The following OSBPL6 variants were observed in gnomAD, a reference collection of about 807,000 sequenced individuals.
OSBPL6 encodes the protein oxysterol binding protein like 6.
OSBPL6 carries 49 observed loss-of-function variants against 125.8 expected under a neutral mutation model. The observed-to-expected ratio is 0.39, with a 90% CI of 0.31 to 0.49. The LOEUF (loss-of-function observed/expected upper bound fraction) is 0.49, where lower values mean the gene tolerates loss of function less well. Ranked by LOEUF, OSBPL6 falls within the 20% of genes least tolerant of loss-of-function variation. OSBPL6 has a pLI of 0.88. For missense variants in OSBPL6, 986 were observed against 1,135.4 expected (o/e 0.87, Z 1.89); for synonymous variants, 394 against 391.8 (o/e 1.01, Z -0.07).
chr2:178,318,231 T>C (rs1359065227), intron 3 of OSBPL6, among the ~76,000 whole-genome samples: 1 of 152,220 alleles, frequency 6.6e-6, no homozygotes, highest in Non-Finnish European at 1.5e-5. Context: ...ATACAGGGTG[T>C]CTTAAAACAG....
At chr2:178,228,929 T>A (rs1000564215) in intron 1 of OSBPL6, among the ~76,000 whole-genome samples, 4 of 152,242 alleles carry the variant, frequency 2.6e-5, no homozygotes, top group African/African-American at 9.6e-5. Flanking sequence ...CATTTTCTGT[T>A]GCTATAAAAG....
intron 1 of OSBPL6, among the ~76,000 whole-genome samples, 157 bp from the exon 2 acceptor site, chr2:178,284,770 A>G (rs1684546573): frequency 6.6e-6 from 1 of 152,238 alleles, no homozygotes; most frequent in African/African-American, 2.4e-5. Flanking sequence ...ATAAAACTGA[A>G]CAAAGGAGAT....
chr2:178,306,702 G>A (rs1442263432), intron 3 of OSBPL6, among the ~76,000 whole-genome samples: 3 of 152,262 alleles, frequency 2.0e-5, no homozygotes, highest in Admixed American at 2.0e-4. Flanking sequence ...TGTGGAATCT[G>A]GTAACAGCTA....
chr2:178,233,793 G>T (rs969193576), intron 1 of OSBPL6, among the ~76,000 whole-genome samples: 1 of 152,146 alleles, frequency 6.6e-6, no homozygotes, highest in Non-Finnish European at 1.5e-5. Flanking sequence ...ATGCGTTGTT[G>T]TGAATGTTAA....
At chr2:178,241,263 G>A (rs528733317) in intron 1 of OSBPL6, among the ~76,000 whole-genome samples, 56 of 151,422 alleles carry the variant, frequency 3.7e-4, no homozygotes, top group South Asian at 8.4e-4. Context: ...ACAGGTGCAC[G>A]CCACCACGCC....
At chr2:178,199,585 T>G (rs1380122705) in intron 1 of OSBPL6, among the ~76,000 whole-genome samples, 32 of 131,526 alleles carry the variant, frequency 2.4e-4, no homozygotes, top group Admixed American at 2.4e-3. Context: ...CCATTAAGGG[T>G]TTTTTTTTTT....
intron 12 of OSBPL6, among the ~76,000 whole-genome samples, chr2:178,350,296 G>C (rs548274849): frequency 6.6e-6 from 1 of 152,322 alleles, no homozygotes; most frequent in East Asian, 1.9e-4. Context: ...TATACTGCCA[G>C]AGTATTGAAC....
At chr2:178,334,354 T>G (rs1689488283) in intron 8 of OSBPL6, among the ~76,000 whole-genome samples, 1 of 152,152 alleles carries the variant, frequency 6.6e-6, no homozygotes, top group African/African-American at 2.4e-5. Flanking sequence ...ACATCCAAGT[T>G]TCCTTTGCAA....
chr2:178,278,407 A>T lies in OSBPL6; in HGVS notation c.-350-6520A>T, dbSNP rs562494569. ...AGATCCTCTTTAGAGTCTGGTTTTG[A>T]TGTTTATATATAATAACTACATAAT... On this transcript the variant is annotated intron_variant, in intron 1 of 24. Transcript: ENST00000190611. 1.6e-4 allele frequency among the ~76,000 whole-genome samples: 24 copies of T among 152,272 alleles called. 1 individual carries two copies. The highest frequency in any genetic ancestry group is 4.6e-4 in the African/African-American group (19 of 41,548).
intron 13 of OSBPL6, among the ~76,000 whole-genome samples, chr2:178,370,906 G>C (rs1198936481): frequency 4.6e-5 from 7 of 152,356 alleles, no homozygotes; most frequent in Non-Finnish European, 5.9e-5. Flanking sequence ...AGGATGGAGA[G>C]AGGAGAGAAG....
At chr2:178,206,683 C>T (rs1463145192) in intron 1 of OSBPL6, among the ~76,000 whole-genome samples, 4 of 152,032 alleles carry the variant, frequency 2.6e-5, no homozygotes, top group South Asian at 2.1e-4. Context: ...GGCACGATCT[C>T]GGCTCACTGC....
At chr2:178,240,260 TG>T (rs1314689433) in intron 1 of OSBPL6, among the ~76,000 whole-genome samples, 1 of 152,088 alleles carries the variant, frequency 6.6e-6, no homozygotes, top group Non-Finnish European at 1.5e-5. Flanking sequence ...TAATTTTATG[TG>T]TATCTTGCCA....
chr2:178,331,298 A>G (rs1689175646), intron 5 of OSBPL6, among the ~76,000 whole-genome samples: 1 of 152,214 alleles, frequency 6.6e-6, no homozygotes, highest in Admixed American at 6.5e-5. Context: ...CTGTTAAGAA[A>G]AATCATGGTG....
chr2:178,350,866 G>A (rs990239390), intron 12 of OSBPL6, among the ~76,000 whole-genome samples: 2 of 152,148 alleles, frequency 1.3e-5, no homozygotes, highest in Non-Finnish European at 2.9e-5. Context: ...TTGGAAGGCA[G>A]CCCCAGGAAA....
intron 4 of OSBPL6, among the ~76,000 whole-genome samples, chr2:178,327,944 G>C (rs1428430435): frequency 6.6e-6 from 1 of 152,148 alleles, no homozygotes; most frequent in African/African-American, 2.4e-5. Flanking sequence ...GGGATTCACT[G>C]TCTGGAAAAA....
At chr2:178,377,664 A>G (rs947316272) in intron 15 of OSBPL6, among the ~76,000 whole-genome samples, 4 of 152,198 alleles carry the variant, frequency 2.6e-5, no homozygotes, top group African/African-American at 9.6e-5. Flanking sequence ...GGGCCCCTGC[A>G]CTTGCCATCT....
intron 1 of OSBPL6, among the ~76,000 whole-genome samples, chr2:178,218,511 A>G (rs1442719326): frequency 4.6e-5 from 7 of 151,974 alleles, no homozygotes; most frequent in African/African-American, 1.4e-4. Flanking sequence ...GGTAATGGAA[A>G]TGGCTTTCCC....
rs769896472 is a variant in OSBPL6 at position 178,373,896 on chromosome 2, G to A, written c.1402G>A (p.Glu468Lys). 8.7e-6 allele frequency: 14 copies of A among 1,614,056 alleles called. No homozygotes were observed. Among genetic ancestry groups the A allele is most frequent in the Non-Finnish European group, 1.2e-5 (14 of 1,179,972 alleles). The change falls in exon 15 of 25, where the codon GAG (glutamate) becomes AAG (lysine). Residue 468 changes from glutamate (E) to lysine (K), a missense_variant. By Grantham distance (56) the Glu-to-Lys change is moderately conservative. Transcript: ENST00000190611. ...NIIPSPDEAG[E>K]QIHVSLPLSQ... Reference sequence around the variant, plus strand: ...ATGCTTCTGTCTTCTGCAGGCTGGTGAGCAAATCCATGTCAGTCTCCCCTT... The same window carrying A: ...ATGCTTCTGTCTTCTGCAGGCTGGTAAGCAAATCCATGTCAGTCTCCCCTT...
intron 2 of OSBPL6, among the ~76,000 whole-genome samples, chr2:178,288,481 CA>C (rs1684919708): frequency 6.6e-6 from 1 of 152,068 alleles, no homozygotes; most frequent in Non-Finnish European, 1.5e-5. Context: ...ATGAGTCGCC[CA>C]AACACCTGAA....
Sources: gnomAD v4.1 joint callset for allele counts (sites outside exome capture counted in the v4.1 genomes callset) on GRCh38, gnomAD v4.1.1 for gene constraint, MANE v1.5 for transcripts, NCBI Gene and HGNC (gene_info 2026-07-23, HGNC 2026-07-21) for gene names.